The following SLC9A9 variants were observed in gnomAD, a reference collection of about 807,000 sequenced individuals.
The protein encoded by SLC9A9 is solute carrier family 9 member A9.
A neutral mutation model predicts 77.8 loss-of-function variants in SLC9A9; 62 were observed. That is an observed-to-expected ratio of 0.80 (90% CI 0.65 to 0.98). SLC9A9 has a LOEUF of 0.98. SLC9A9 is among the 50% of genes least tolerant of loss of function. SLC9A9 has a pLI of 0.00. For synonymous variants in SLC9A9, 320 were observed against 283.5 expected, an observed-to-expected ratio of 1.13 and a Z score of -1.29; for missense variants, 775 against 774.9, an observed-to-expected ratio of 1.00 and a Z score of 0.00.
chr3:143,347,848 G>A (rs999803186), intron 14 of SLC9A9, among the ~76,000 whole-genome samples: 4 of 152,154 alleles, frequency 2.6e-5, no homozygotes, highest in South Asian at 2.1e-4. Context: ...AAGATGATAC[G>A]GGGGATGCCA....
intron 4 of SLC9A9, among the ~76,000 whole-genome samples, chr3:143,707,806 T>C (rs1934026465): frequency 6.6e-6 from 1 of 152,068 alleles, no homozygotes; most frequent in African/African-American, 2.4e-5. Context: ...AGACAGAAGG[T>C]TGTGATGAAA....
intron 12 of SLC9A9, among the ~76,000 whole-genome samples, chr3:143,441,073 T>A (rs1203615465): frequency 6.6e-6 from 1 of 152,196 alleles, no homozygotes; most frequent in Non-Finnish European, 1.5e-5. Flanking sequence ...CATTCTCACC[T>A]TTCCAACCTT....
At chr3:143,370,529 T>A (rs1047596818) in intron 13 of SLC9A9, among the ~76,000 whole-genome samples, 6 of 149,654 alleles carry the variant, frequency 4.0e-5, no homozygotes, top group African/African-American at 1.5e-4. Flanking sequence ...GTGTGATAAC[T>A]CTTTTATATA....
intron 2 of SLC9A9, among the ~76,000 whole-genome samples, chr3:143,828,647 T>C (rs970295521): frequency 1.3e-5 from 2 of 151,964 alleles, no homozygotes; most frequent in African/African-American, 2.4e-5. Context: ...AAGCCCTCTC[T>C]GAAAAGATGG....
chr3:143,780,645 G>T (rs1171810983), intron 4 of SLC9A9, among the ~76,000 whole-genome samples: 1 of 152,162 alleles, frequency 6.6e-6, no homozygotes, highest in Non-Finnish European at 1.5e-5. Flanking sequence ...GATTGGAAAG[G>T]GAGCCACCAT....
At chr3:143,717,098 G>C (rs1934376957) in intron 4 of SLC9A9, among the ~76,000 whole-genome samples, 1 of 152,136 alleles carries the variant, frequency 6.6e-6, no homozygotes, top group Non-Finnish European at 1.5e-5. Flanking sequence ...ACCCCTTCTG[G>C]GATATAAGGG....
At chr3:143,705,078 A>G (rs1933936324) in intron 4 of SLC9A9, among the ~76,000 whole-genome samples, 1 of 149,290 alleles carries the variant, frequency 6.7e-6, no homozygotes, top group African/African-American at 2.5e-5. Context: ...TATATATATT[A>G]TGATACATAT....
intron 2 of SLC9A9, among the ~76,000 whole-genome samples, chr3:143,812,669 A>G (rs2008899827): frequency 6.6e-6 from 1 of 152,250 alleles, no homozygotes; most frequent in Middle Eastern, 3.4e-3. Context: ...GTCCCTAAAA[A>G]TCCCCCAGAT....
Position 143,272,981 on chromosome 3 carries a change from C to T in SLC9A9, c.1605-4001G>A, listed in dbSNP as rs1371280422. Among the ~76,000 whole-genome samples the T allele has an allele frequency of 2.6e-5, 4 of 152,354 alleles. No individual in the cohort carries two copies. The East Asian group carries it at 7.7e-4, about 29-fold the overall frequency. ...AGACAGTTAGCAAGTGCATTTTCTC[C>T]TTTGGTCTGGGCTAACAGCAGGTCC... On this transcript the variant is annotated intron_variant, in intron 14 of 15. Coordinates refer to ENST00000316549, the MANE Select transcript of SLC9A9 (RefSeq NM_173653.4).
intron 2 of SLC9A9, among the ~76,000 whole-genome samples, chr3:143,807,198 C>G (rs943945528): frequency 2.6e-5 from 4 of 151,520 alleles, no homozygotes; most frequent in Non-Finnish European, 4.4e-5. Flanking sequence ...AATCCCAGCA[C>G]TTTGGGAGGC....
intron 15 of SLC9A9, among the ~76,000 whole-genome samples, chr3:143,267,345 CTTTT>C (rs749407002): frequency 2.6e-4 from 29 of 113,626 alleles, no homozygotes; most frequent in East Asian, 1.2e-3. Context: ...GTTATTGCTA[CTTTT>C]TTTTTTTTTT....
intron 9 of SLC9A9, among the ~76,000 whole-genome samples, chr3:143,534,774 C>T (rs914666549): frequency 1.3e-5 from 2 of 152,100 alleles, no homozygotes; most frequent in Admixed American, 6.5e-5. Context: ...TGCTGAATAG[C>T]GGGATCAAAA....
chr3:143,295,791 T>C (rs2030239058), intron 14 of SLC9A9, among the ~76,000 whole-genome samples: 2 of 152,156 alleles, frequency 1.3e-5, no homozygotes, highest in African/African-American at 4.8e-5. Context: ...CCATTTCCAA[T>C]ATACCTGTAA....
chr3:143,548,388 T>G (rs1234001302), intron 9 of SLC9A9, among the ~76,000 whole-genome samples: 1 of 152,050 alleles, frequency 6.6e-6, no homozygotes, highest in Non-Finnish European at 1.5e-5. Context: ...TACATAGTCT[T>G]CTGGATGGCC....
At chr3:143,654,069 C>T (rs984221119) in intron 5 of SLC9A9, among the ~76,000 whole-genome samples, 1 of 152,088 alleles carries the variant, frequency 6.6e-6, no homozygotes, top group Non-Finnish European at 1.5e-5. Context: ...ATCTATTGTA[C>T]AACATGTGAC....
At chr3:143,700,894 A>G (rs754638333) in intron 4 of SLC9A9, among the ~76,000 whole-genome samples, 14 of 152,232 alleles carry the variant, frequency 9.2e-5, no homozygotes, top group Non-Finnish European at 1.6e-4. Flanking sequence ...GCACAGTTCC[A>G]TTGGTGGTGG....
chr3:143,582,516 G>A (rs931083497), intron 6 of SLC9A9, among the ~76,000 whole-genome samples: 1 of 152,168 alleles, frequency 6.6e-6, no homozygotes, highest in Admixed American at 6.5e-5. Flanking sequence ...GGCAAATGGG[G>A]TGTGACTGCC....
At chr3:143,741,602 T>C (rs1222392574) in intron 4 of SLC9A9, among the ~76,000 whole-genome samples, 1 of 152,152 alleles carries the variant, frequency 6.6e-6, no homozygotes, top group Non-Finnish European at 1.5e-5. Context: ...GAGTACACTA[T>C]GGAAAGAGGG....
chr3:143,743,104 C>T (rs1464838647), intron 4 of SLC9A9, among the ~76,000 whole-genome samples: 1 of 151,756 alleles, frequency 6.6e-6, no homozygotes, highest in Non-Finnish European at 1.5e-5. Context: ...AACCCATGAC[C>T]CAGGTAACAG....
Sources: allele counts gnomAD v4.1 joint callset (sites outside exome capture counted in the v4.1 genomes callset), GRCh38; gene constraint gnomAD v4.1.1; transcripts MANE v1.5; gene names NCBI Gene and HGNC (gene_info 2026-07-23, HGNC 2026-07-21).